The following NUP160 variants were observed in gnomAD, a reference collection of about 807,000 sequenced individuals.
NUP160 encodes nucleoporin 160, also known as nuclear pore complex protein Nup160.
NUP160 carries 94 observed loss-of-function variants against 196.9 expected under a neutral mutation model. The observed-to-expected ratio is 0.48, with a 90% CI of 0.40 to 0.57. The LOEUF (loss-of-function observed/expected upper bound fraction) is 0.57. Among genes scored for constraint, NUP160 ranks in the 20% least tolerant of loss-of-function variants. The pLI is 0.00. For missense variants in NUP160, 1,638 were observed against 1,748.3 expected (o/e 0.94, Z 1.13); for synonymous variants, 605 against 619.7 (o/e 0.98, Z 0.35).
exon 36 of NUP160, chr11:47,778,360 C>T (rs1332937778): frequency 2.0e-5 from 3 of 152,586 alleles, no homozygotes; most frequent in African/African-American, 4.8e-5. Context: ...TGGTCCAATA[C>T]ATTATGAGAC....
intron 33 of NUP160, among the ~76,000 whole-genome samples, chr11:47,783,699 C>A (rs2097662820): frequency 6.6e-6 from 1 of 152,056 alleles, no homozygotes; most frequent in South Asian, 2.1e-4. Flanking sequence ...CTTACCTTTA[C>A]CATCTTAGCT....
At chr11:47,783,079 T>C (rs2097662414) in exon 34 of NUP160, 1 of 1,612,848 alleles carries the variant, frequency 6.2e-7, no homozygotes, top group African/African-American at 1.3e-5. Flanking sequence ...CTACCTCAAT[T>C]CCGAAGTATT....
At chr11:47,815,383 C>T in intron 13 of NUP160, 96 bp downstream of exon 13, 1 of 908,228 alleles carries the variant, frequency 1.1e-6, no homozygotes, top group Admixed American at 3.0e-5. Context: ...TAACATTCGG[C>T]AAGAGCCACT....
exon 11 of NUP160, chr11:47,818,086 G>A (rs753885471): frequency 5.6e-6 from 9 of 1,611,448 alleles, no homozygotes; most frequent in Non-Finnish European, 2.5e-6. Context: ...CTTCATTTGT[G>A]AATTGTCCTG....
At position 47,848,432 on chromosome 11, in the gene NUP160, A is replaced by T. The variant is rs760303232; in HGVS notation, c.-12T>A. ...GACAGGTGAAGCATTCCGGGAGCAGAAAGGCGGCTCCGGCCCTTCGTTGCG... is the reference window on the plus strand; with the variant it reads ...GACAGGTGAAGCATTCCGGGAGCAGTAAGGCGGCTCCGGCCCTTCGTTGCG... On this transcript the variant is annotated 5_prime_UTR_variant, in exon 1 of 36. Coordinates refer to ENST00000378460, the Ensembl canonical transcript of NUP160. 2.6e-6 allele frequency: 4 copies of T among 1,536,150 alleles called. No individual in the cohort carries two copies. The South Asian group carries it at 4.8e-5, about 18-fold the overall frequency.
At chr11:47,848,389 G>A (rs1852449170) in exon 1 of NUP160, 4 of 1,602,882 alleles carry the variant, frequency 2.5e-6, no homozygotes, top group Non-Finnish European at 3.4e-6. Context: ...TTCCGGGGGT[G>A]GGGCGGGCGG....
intron 11 of NUP160, 112 bp from the exon 12 acceptor site, chr11:47,816,141 T>C (rs996974892): frequency 1.5e-6 from 1 of 663,908 alleles, no homozygotes; most frequent in Non-Finnish European, 2.6e-6. Flanking sequence ...AGATTTGGCA[T>C]ACCTGGAACA....
At chr11:47,847,492 CAT>C (rs1852420686) in intron 2 of NUP160, among the ~76,000 whole-genome samples, 2 of 152,170 alleles carry the variant, frequency 1.3e-5, no homozygotes, top group South Asian at 4.2e-4. Context: ...CAATGCCTGA[CAT>C]ATTGAAGCTC....
chr11:47,801,915 A>T, exon 23 of NUP160: 10 of 1,613,784 alleles, frequency 6.2e-6, no homozygotes, highest in Non-Finnish European at 8.5e-6. Context: ...GCTGCCTGAC[A>T]AAAACATTCC....
At chr11:47,796,793 T>C (rs2135356345) in intron 27 of NUP160, among the ~76,000 whole-genome samples, 1 of 152,298 alleles carries the variant, frequency 6.6e-6, no homozygotes, top group African/African-American at 2.4e-5. Flanking sequence ...TTTGGCTCAC[T>C]GCAACCTCCA....
chr11:47,841,124 A>T (rs544796699), intron 2 of NUP160, among the ~76,000 whole-genome samples: 9 of 152,326 alleles, frequency 5.9e-5, no homozygotes, highest in African/African-American at 2.2e-4. Flanking sequence ...CAAATTGAAC[A>T]TATCAGGGTT....
rs988827047 is a variant in NUP160 at position 47,835,731 on chromosome 11, C to T, written c.1021G>A (p.Gly341Arg). Reference sequence around the variant, plus strand: ...GAATAAGCAAGCCGTAATTTGTGTCCAGTTCCAGCAGTAAGCCGAAGGTCT... The same window carrying T: ...GAATAAGCAAGCCGTAATTTGTGTCTAGTTCCAGCAGTAAGCCGAAGGTCT... Residue 341 changes from glycine to arginine, a missense_variant, in exon 7 of 36, where the codon GGA (glycine) becomes AGA (arginine). Physicochemically the swap from Gly to Arg is moderately radical, Grantham distance 125. This residue lies in a region of NUP160 where 1,345 missense variants were observed against 1,470.2 expected (regional missense o/e 0.91). Coordinates refer to ENST00000378460, the Ensembl canonical transcript of NUP160. The T allele has an allele frequency of 1.9e-6, 3 of 1,606,228 alleles. No homozygotes were observed. In the African/African-American group the frequency reaches 4.0e-5, roughly 22 times the overall value.
chr11:47,789,645 AC>A (rs1319446366), intron 29 of NUP160, among the ~76,000 whole-genome samples: 1 of 152,012 alleles, frequency 6.6e-6, no homozygotes, highest in Non-Finnish European at 1.5e-5. Context: ...AAGGAACTTT[AC>A]AATATTTTTA....
chr11:47,811,582 ATAC>A (rs1488293599), intron 17 of NUP160, among the ~76,000 whole-genome samples: 1 of 152,176 alleles, frequency 6.6e-6, no homozygotes, highest in Non-Finnish European at 1.5e-5. Context: ...GTTACTAATA[ATAC>A]TACATTTTGG....
chr11:47,795,955 C>G (rs1445121301), intron 27 of NUP160, among the ~76,000 whole-genome samples: 1 of 151,904 alleles, frequency 6.6e-6, no homozygotes, highest in African/African-American at 2.4e-5. Flanking sequence ...AGTTCAAGAC[C>G]AGCCTGACCA....
intron 35 of NUP160, 80 bp downstream of exon 35, chr11:47,780,263 G>A (rs2097659896): frequency 1.0e-6 from 1 of 1,000,436 alleles, no homozygotes; most frequent in Non-Finnish European, 1.6e-6. Context: ...TCTAATCCCG[G>A]AGAACTGAAG....
At chr11:47,787,651 C>G (rs1038557585) in intron 31 of NUP160, among the ~76,000 whole-genome samples, 1 of 151,882 alleles carries the variant, frequency 6.6e-6, no homozygotes, top group Non-Finnish European at 1.5e-5. Context: ...CCCAAGCGAT[C>G]CACCCGCCAC....
intron 2 of NUP160, among the ~76,000 whole-genome samples, chr11:47,843,596 T>G (rs1050126129): frequency 1.3e-5 from 2 of 152,180 alleles, no homozygotes; most frequent in African/African-American, 2.4e-5. Context: ...TTAAGCAATA[T>G]CTAGAGATAT....
intron 7 of NUP160, among the ~76,000 whole-genome samples, chr11:47,829,704 T>C (rs1445751261): frequency 6.6e-6 from 1 of 152,056 alleles, no homozygotes; most frequent in Non-Finnish European, 1.5e-5. Flanking sequence ...TTACACGATA[T>C]ACAAAAATCA....
Sources: allele counts gnomAD v4.1 joint callset (sites outside exome capture counted in the v4.1 genomes callset), GRCh38; gene constraint gnomAD v4.1.1; regional missense constraint gnomAD v4.1.1; transcripts MANE v1.5; gene names NCBI Gene and HGNC (gene_info 2026-07-23, HGNC 2026-07-21).